ACOXL: variants seen among roughly 807,000 people sequenced by gnomAD.
ACOXL encodes the protein acyl-coenzyme A oxidase-like protein.
ACOXL carries 70 observed loss-of-function variants against 71.9 expected under a neutral mutation model. The observed-to-expected ratio is 0.97, with a 90% CI of 0.80 to 1.19. The LOEUF is 1.19. Ranked by LOEUF, ACOXL falls within the 50% of genes most tolerant of loss-of-function variation. The pLI is 0.00. For missense variants in ACOXL, 703 were observed against 736.3 expected, an observed-to-expected ratio of 0.95 and a Z score of 0.52; for synonymous variants, 253 against 281.6, an observed-to-expected ratio of 0.90 and a Z score of 1.02.
intron 1 of ACOXL, among the ~76,000 whole-genome samples, chr2:110,749,520 G>A (rs1401746242): frequency 6.6e-6 from 1 of 152,202 alleles, no homozygotes; most frequent in African/African-American, 2.4e-5. Context: ...GAGGTCAGGA[G>A]TTCGAGAGCA....
At chr2:110,769,855 T>TA (rs544365199) in intron 2 of ACOXL, among the ~76,000 whole-genome samples, 1 of 147,638 alleles carries the variant, frequency 6.8e-6, no homozygotes, top group Non-Finnish European at 1.5e-5. Flanking sequence ...TAAAATAAAA[T>TA]AAAAAACCCC....
At chr2:110,802,240 A>G (rs528642380) in intron 8 of ACOXL, among the ~76,000 whole-genome samples, 7 of 152,102 alleles carry the variant, frequency 4.6e-5, no homozygotes, top group Non-Finnish European at 7.3e-5. Flanking sequence ...TTACAAACAG[A>G]TGGGTGCTAT....
chr2:110,737,034 T>C (rs1364795151), intron 1 of ACOXL, among the ~76,000 whole-genome samples: 1 of 152,246 alleles, frequency 6.6e-6, no homozygotes, highest in Non-Finnish European at 1.5e-5. Flanking sequence ...TTTTCTATTT[T>C]TCTTGGAGTT....
chr2:110,934,622 G>A (rs967580252), intron 12 of ACOXL, among the ~76,000 whole-genome samples: 2 of 152,218 alleles, frequency 1.3e-5, no homozygotes, highest in Non-Finnish European at 2.9e-5. Flanking sequence ...CCTGCCATCC[G>A]TGTGGAGCTA....
chr2:110,965,213 C>G (rs2061873966), intron 12 of ACOXL, among the ~76,000 whole-genome samples: 1 of 152,072 alleles, frequency 6.6e-6, no homozygotes, highest in Non-Finnish European at 1.5e-5. Context: ...TTTTCTTTCT[C>G]CATTTCTTTG....
rs149285609 is a variant in ACOXL at position 111,031,712 on chromosome 2, G to A, written c.1367G>A (p.Arg456Gln). The A allele has an allele frequency of 1.6e-5, 26 of 1,613,986 alleles. No individual in the cohort carries two copies. In the African/African-American group the frequency reaches 2.3e-4, roughly 14 times the overall value. Residue 456 changes from arginine (R) to glutamine (Q), a missense_variant and splice_region_variant, in exon 15 of 18, where the codon CGA becomes CAA. Transcript: ENST00000439055. ...VASLSLAHTH[R>Q]VTLEQFSLAV... The stretch of plus-strand genomic sequence containing the variant: ...TCTCTGTCCCTGGCACACACTCACC[G>A]AGGTCAGTTGGCTCCTGTTGAATAT...
chr2:110,738,980 T>C (rs1677188285), intron 1 of ACOXL, among the ~76,000 whole-genome samples: 1 of 152,234 alleles, frequency 6.6e-6, no homozygotes, highest in Non-Finnish European at 1.5e-5. Flanking sequence ...GCATCTGTTC[T>C]TGTTTTCTAG....
intron 11 of ACOXL, among the ~76,000 whole-genome samples, chr2:110,925,122 T>G (rs2060222380): frequency 6.6e-6 from 1 of 152,238 alleles, no homozygotes; most frequent in Non-Finnish European, 1.5e-5. Context: ...TAAACTATAC[T>G]GTAAACAGAT....
intron 10 of ACOXL, among the ~76,000 whole-genome samples, chr2:110,902,771 G>A (rs563751604): frequency 3.3e-5 from 5 of 152,314 alleles, no homozygotes; most frequent in African/African-American, 1.2e-4. Context: ...GTCTAGGAGT[G>A]CCCCAGAGAA....
At chr2:110,978,641 A>G (rs1456826315) in intron 12 of ACOXL, among the ~76,000 whole-genome samples, 1 of 152,136 alleles carries the variant, frequency 6.6e-6, no homozygotes, top group Non-Finnish European at 1.5e-5. Context: ...ATTTAATTTC[A>G]TAGTTTAGAG....
In ACOXL at chr2:110,968,516, A is replaced by G; in HGVS notation, c.1060-18592A>G. The G allele has an allele frequency of 2.3e-6, 3 of 1,288,442 alleles. No individual in the cohort carries two copies. The South Asian group carries it at 3.6e-5, about 16-fold the overall frequency. 79.8% of individuals were successfully genotyped at this position (1,288,442 alleles called of 1,614,324 possible). ...AAGAAACAGTTCTCTCAATACACAA[A>G]GAACAGCGTAACTCCAGACATGACG... On this transcript the variant is annotated intron_variant, in intron 12 of 17. Transcript: ENST00000439055.
intron 9 of ACOXL, among the ~76,000 whole-genome samples, chr2:110,828,968 C>T (rs187159591): frequency 3.9e-4 from 60 of 152,258 alleles, no homozygotes; most frequent in African/African-American, 8.2e-4. Flanking sequence ...TGCACCACCA[C>T]GTCCAGCTAA....
intron 12 of ACOXL, among the ~76,000 whole-genome samples, chr2:110,976,716 C>T (rs762458796): frequency 1.3e-5 from 2 of 151,922 alleles, no homozygotes; most frequent in Non-Finnish European, 2.9e-5. Context: ...TCAGAGGGGT[C>T]AAAATAATGA....
At chr2:110,957,741 G>T (rs1264891518) in intron 12 of ACOXL, among the ~76,000 whole-genome samples, 1 of 152,150 alleles carries the variant, frequency 6.6e-6, no homozygotes, top group Non-Finnish European at 1.5e-5. Flanking sequence ...TGAGATTGTG[G>T]GAGTTAGGAC....
intron 12 of ACOXL, among the ~76,000 whole-genome samples, chr2:110,942,735 A>C (rs2060911219): frequency 6.6e-6 from 1 of 151,452 alleles, no homozygotes. Context: ...CTAAAAAAAA[A>C]AAAAAGTTAG....
chr2:110,943,784 T>C (rs1339338000), intron 12 of ACOXL, among the ~76,000 whole-genome samples: 1 of 152,078 alleles, frequency 6.6e-6, no homozygotes, highest in Non-Finnish European at 1.5e-5. Context: ...ACAGCATATT[T>C]AGGGCCCCAG....
At chr2:110,933,127 C>T (rs1249072278) in intron 11 of ACOXL, among the ~76,000 whole-genome samples, 1 of 152,230 alleles carries the variant, frequency 6.6e-6, no homozygotes, top group Admixed American at 6.5e-5. Flanking sequence ...AAAGTCATGT[C>T]TGACAATCTC....
chr2:110,994,597 A>G (rs922249167), intron 13 of ACOXL, among the ~76,000 whole-genome samples: 2 of 152,166 alleles, frequency 1.3e-5, no homozygotes, highest in African/African-American at 4.8e-5. Flanking sequence ...TAGGTTATCT[A>G]AAGGTTCATG....
At chr2:110,886,936 G>C (rs1314717644) in intron 10 of ACOXL, 1 of 1,489,578 alleles carries the variant, frequency 6.7e-7, no homozygotes, top group African/African-American at 1.4e-5. Flanking sequence ...GTTTTCCCGT[G>C]GCAGATCCCT....
Sources: gnomAD v4.1 joint callset for allele counts (sites outside exome capture counted in the v4.1 genomes callset) on GRCh38, gnomAD v4.1.1 for gene constraint, MANE v1.5 for transcripts, NCBI Gene and HGNC (gene_info 2026-07-23, HGNC 2026-07-21) for gene names.